The following TOGARAM2 variants were observed in gnomAD, a reference collection of about 807,000 sequenced individuals.
TOGARAM2 encodes the protein TOG array regulator of axonemal microtubules protein 2.
A neutral mutation model predicts 93.3 loss-of-function variants in TOGARAM2; 85 were observed. That is an observed-to-expected ratio of 0.91 (90% CI 0.76 to 1.09). TOGARAM2 has a LOEUF of 1.09. TOGARAM2 is among the 50% of genes least tolerant of loss of function. The pLI is 0.00. For synonymous variants in TOGARAM2, 593 were observed against 552.8 expected, an observed-to-expected ratio of 1.07 and a Z score of -1.02; for missense variants, 1,277 against 1,334.5, an observed-to-expected ratio of 0.96 and a Z score of 0.67.
rs1672192663 is a variant in TOGARAM2, at chr2:28,981,517, G to C, written c.-132G>C. 6.6e-6 allele frequency: 1 copy of C among 152,368 alleles called. No individual in the cohort carries two copies. Among genetic ancestry groups the C allele is most frequent in the South Asian group, 2.1e-4 (1 of 4,838 alleles). 9.4% of individuals were successfully genotyped at this position (152,368 alleles called of 1,614,324 possible). A position where few individuals can be genotyped will look rare whatever the true frequency, so the allele number is the denominator to read the frequency against. On this transcript the variant is annotated 5_prime_UTR_variant, in exon 1 of 20. Transcript: ENST00000379558. The stretch of plus-strand genomic sequence containing the variant: ...GACCCTGGATTCCTCCAGTGACAGG[G>C]GTTTGGCCTCTGGACAGAGAGGTGA...
chr2:29,021,735 C>T (rs1026022259), intron 10 of TOGARAM2, among the ~76,000 whole-genome samples: 2 of 152,158 alleles, frequency 1.3e-5, no homozygotes, highest in Non-Finnish European at 2.9e-5. Flanking sequence ...ACCATACAGG[C>T]CTCTGGTTGG....
intron 14 of TOGARAM2, among the ~76,000 whole-genome samples, chr2:29,031,113 A>G (rs1013975493): frequency 6.6e-6 from 1 of 152,186 alleles, no homozygotes; most frequent in African/African-American, 2.4e-5. Flanking sequence ...GGCATTTCAC[A>G]GTTGCTGTTG....
chr2:29,034,534 G>A (rs1362878543), intron 16 of TOGARAM2, among the ~76,000 whole-genome samples: 1 of 152,206 alleles, frequency 6.6e-6, no homozygotes, highest in African/African-American at 2.4e-5. Context: ...CAATGAGTGT[G>A]GAATGCAGGA....
In TOGARAM2 at chr2:29,003,629, C is replaced by A. The variant is rs1274283738; in HGVS notation, c.777C>A (p.Ser259Arg). 1 of 1,593,148 alleles carries A rather than the reference C, an allele frequency of 6.3e-7. No homozygotes were observed. The highest frequency in any genetic ancestry group is 2.3e-5 in the East Asian group (1 of 42,602). Residue 259 changes from serine to arginine, a missense_variant, in exon 6 of 20, where the codon AGC (serine) becomes AGA (arginine). Ser to Arg is a moderately radical substitution (Grantham distance 110, BLOSUM62 -1). Coordinates refer to ENST00000379558, the MANE Select transcript of TOGARAM2 (RefSeq NM_199280.4). ...TPSRVPGSLP[S>R]PLPPGQGVLT... ...CCCGTGTGCCTGGCTCCCTTCCCAG[C>A]CCGTTACCTCCAGGCCAGGGAGTCC... is the stretch of plus-strand genomic sequence containing the variant.
chr2:28,976,240 G>A (rs533152171), intron 1 of TOGARAM2, among the ~76,000 whole-genome samples: 7 of 152,074 alleles, frequency 4.6e-5, no homozygotes, highest in South Asian at 4.1e-4. Context: ...ACGTGGTGGC[G>A]GGTGCCTGTA....
At chr2:29,018,667 C>T (rs1020679236) in intron 10 of TOGARAM2, 1 of 152,234 alleles carries the variant, frequency 6.6e-6, no homozygotes, top group Non-Finnish European at 1.5e-5. Flanking sequence ...TTTCAATCCT[C>T]TTTCTATCCT....
intron 1 of TOGARAM2, among the ~76,000 whole-genome samples, chr2:28,986,880 C>T (rs1443040657): frequency 1.3e-5 from 2 of 152,180 alleles, no homozygotes; most frequent in Admixed American, 1.3e-4. Context: ...TTCTCAATAA[C>T]CTTGGAGATA....
At position 28,999,236 on chromosome 2, in the gene TOGARAM2, C is replaced by A; in HGVS notation, c.195C>A (p.Leu65=). 1 of 1,613,866 alleles carries A rather than the reference C, an allele frequency of 6.2e-7. No homozygotes were observed. The highest frequency in any genetic ancestry group is 8.5e-7 in the Non-Finnish European group (1 of 1,179,822). ...ALLNNEEPSQ[L]LRGLGQLGGL... ...TGAACAACGAGGAACCGTCACAGCT[C>A]CTGCGTGGACTCGGACAGCTGGGTG... Residue 65 remains leucine (L), a synonymous_variant, in exon 4 of 20, where the codon CTC becomes CTA. Transcript: ENST00000379558.
chr2:28,990,195 C>T (rs904337325), intron 1 of TOGARAM2, among the ~76,000 whole-genome samples: 7 of 152,240 alleles, frequency 4.6e-5, no homozygotes, highest in Admixed American at 2.0e-4. Context: ...CTAAACCCTG[C>T]GTATAATCAG....
At position 29,044,278 on chromosome 2, in the gene TOGARAM2, G is replaced by A. The variant is rs76426472; in HGVS notation, c.2636-1046G>A. ...GAAAGGCATATTGGGGCATATAGAC[G>A]ATAAACTCAGCCATCTTTGCAAGTA... is the stretch of plus-strand genomic sequence containing the variant. On this transcript the variant is annotated intron_variant, in intron 18 of 19. Coordinates refer to ENST00000379558, the MANE Select transcript of TOGARAM2 (RefSeq NM_199280.4). Among the ~76,000 whole-genome samples the A allele has an allele frequency of 4.1e-4, 63 of 152,272 alleles. No individual in the cohort carries two copies. In the East Asian group the frequency reaches 0.01, roughly 24 times the overall value.
At chr2:28,961,847 T>C (rs568792605) in intron 1 of TOGARAM2, among the ~76,000 whole-genome samples, 87 of 152,358 alleles carry the variant, frequency 5.7e-4, no homozygotes, top group Non-Finnish European at 7.6e-4. Flanking sequence ...TTTCTATCAT[T>C]ATGGAATAAG....
At chr2:29,035,692 C>A in intron 17 of TOGARAM2, 36 bp downstream of exon 17, 1 of 1,349,938 alleles carries the variant, frequency 7.4e-7, no homozygotes, top group South Asian at 2.1e-5. Flanking sequence ...CCACCTGTCT[C>A]TCCTCTGGGG....
intron 1 of TOGARAM2, among the ~76,000 whole-genome samples, chr2:28,971,287 C>T (rs1671944096): frequency 6.6e-6 from 1 of 152,074 alleles, no homozygotes; most frequent in Non-Finnish European, 1.5e-5. Context: ...TCACAGCTCA[C>T]TGCAGCCTCA....
intron 1 of TOGARAM2, among the ~76,000 whole-genome samples, chr2:28,966,311 A>G (rs1174000307): frequency 6.6e-6 from 1 of 151,154 alleles, no homozygotes; most frequent in Admixed American, 6.6e-5. Context: ...TTATTTATTT[A>G]TTTTTGAGAT....
chr2:28,965,751 G>T (rs943933737), intron 1 of TOGARAM2, among the ~76,000 whole-genome samples: 5 of 152,098 alleles, frequency 3.3e-5, no homozygotes, highest in Non-Finnish European at 7.3e-5. Context: ...TCTGCCGTAT[G>T]ACTTCCACTG....
intron 1 of TOGARAM2, among the ~76,000 whole-genome samples, chr2:28,982,673 G>A (rs1382630119): frequency 2.0e-5 from 3 of 152,164 alleles, no homozygotes; most frequent in Non-Finnish European, 2.9e-5. Flanking sequence ...TGAGGGCAGC[G>A]CATCCTCCCA....
upstream of TOGARAM2, among the ~76,000 whole-genome samples, chr2:28,976,809 G>T (rs574112932): frequency 1.3e-5 from 2 of 152,338 alleles, no homozygotes; most frequent in South Asian, 4.1e-4. Flanking sequence ...CAGCCCAGTG[G>T]CAGGTGCTGG....
intron 1 of TOGARAM2, among the ~76,000 whole-genome samples, chr2:28,973,985 C>T (rs962814007): frequency 6.6e-6 from 1 of 152,116 alleles, no homozygotes; most frequent in Non-Finnish European, 1.5e-5. Flanking sequence ...ATCTGCCATT[C>T]TCTTGGTTGT....
At chr2:28,968,535 A>G (rs956583818) in intron 1 of TOGARAM2, among the ~76,000 whole-genome samples, 2 of 151,962 alleles carry the variant, frequency 1.3e-5, no homozygotes, top group Non-Finnish European at 2.9e-5. Flanking sequence ...TCGCACCCAT[A>G]TGCACCCTAG....
Sources: gnomAD v4.1 joint callset for allele counts (sites outside exome capture counted in the v4.1 genomes callset) on GRCh38, gnomAD v4.1.1 for gene constraint, MANE v1.5 for transcripts, NCBI Gene and HGNC (gene_info 2026-07-23, HGNC 2026-07-21) for gene names.